Variants in GDAP2 observed in about 807,000 individuals in gnomAD.
GDAP2 encodes the protein ganglioside-induced differentiation-associated protein 2.
In GDAP2, 51 loss-of-function variants were observed where a neutral mutation model predicts 67.0. The ratio of observed to expected loss-of-function variants is 0.76; its 90% CI spans 0.61 to 0.96. GDAP2 has a LOEUF of 0.96. Among genes scored for constraint, GDAP2 ranks in the 40% least tolerant of loss-of-function variants. The probability of loss-of-function intolerance (pLI) is 0.00; values close to 1 mark genes in which losing one functional copy is unlikely to be tolerated. For synonymous variants in GDAP2, 203 were observed against 207.3 expected (o/e 0.98, Z 0.18); for missense variants, 547 against 588.3 (o/e 0.93, Z 0.73).
intron 6 of GDAP2, among the ~76,000 whole-genome samples, chr1:117,900,153 G>A (rs12064560): frequency 0.025 from 3,757 of 152,004 alleles, 150 homozygotes; most frequent in African/African-American, 0.084. Flanking sequence ...GTTTGTTTTC[G>A]TTTTCTTTTT....
chr1:117,925,500 G>C (rs1233597162), intron 1 of GDAP2, among the ~76,000 whole-genome samples: 1 of 152,040 alleles, frequency 6.6e-6, no homozygotes, highest in Non-Finnish European at 1.5e-5. Flanking sequence ...AATTAAGGGG[G>C]AGGAAAAAAT....
rs575969480 is a variant in GDAP2, at chr1:117,875,234, C to T, written c.1446+2775G>A. Among the ~76,000 whole-genome samples, 53 of 152,268 alleles carry T rather than the reference C, an allele frequency of 3.5e-4. No homozygotes were observed. The South Asian group carries it at 9.9e-3, about 29-fold the overall frequency. On this transcript the variant is annotated intron_variant, in intron 13 of 13. Coordinates refer to ENST00000369443, the MANE Select transcript of GDAP2 (RefSeq NM_017686.4). The stretch of plus-strand genomic sequence containing the variant: ...CTAGGAAGACAGAATGGTTTGGGAG[C>T]GACAAGGCTTTAACACTTCAGGATG...
chr1:117,914,968 A>C (rs1478970438), intron 3 of GDAP2, among the ~76,000 whole-genome samples: 1 of 152,190 alleles, frequency 6.6e-6, no homozygotes, highest in Non-Finnish European at 1.5e-5. Flanking sequence ...TGATGTTAAA[A>C]AAAAAAGTTC....
At chr1:117,894,918 G>A (rs1009807651) in intron 8 of GDAP2, among the ~76,000 whole-genome samples, 1 of 152,102 alleles carries the variant, frequency 6.6e-6, no homozygotes, top group African/African-American at 2.4e-5. Context: ...CTTTTCTGAT[G>A]AGATTGGTGA....
At chr1:117,887,557 G>A in intron 9 of GDAP2, 141 bp downstream of exon 9, 1 of 658,230 alleles carries the variant, frequency 1.5e-6, no homozygotes, top group South Asian at 1.7e-5. Flanking sequence ...CTTGATGACA[G>A]GCAAAACTAT....
intron 13 of GDAP2, among the ~76,000 whole-genome samples, chr1:117,871,429 G>C (rs1017520521): frequency 6.6e-6 from 1 of 152,120 alleles, no homozygotes; most frequent in Non-Finnish European, 1.5e-5. Context: ...GTATTTCTTT[G>C]ACAAAGAATT....
In GDAP2 at chr1:117,866,598, T is replaced by G. The variant is rs978122614; in HGVS notation, c.*3971A>C. On this transcript the variant is annotated 3_prime_UTR_variant, in exon 14 of 14. Coordinates refer to ENST00000369443, the MANE Select transcript of GDAP2 (RefSeq NM_017686.4). ...GGCCAGGCACAGTGGCTTATGCCTG[T>G]AATCTGGCACTTTGAGAAGCCAAGG... is the stretch of plus-strand genomic sequence containing the variant. 7.2e-5 allele frequency: 11 copies of G among 152,158 alleles called. No individual in the cohort carries two copies. Among genetic ancestry groups the G allele is most frequent in the Non-Finnish European group, 2.9e-5 (2 of 68,032 alleles). The allele number at this position is 152,158 out of a possible 1,614,324, so 9.4% of individuals were successfully genotyped here.
intron 1 of GDAP2, 114 bp from the exon 2 acceptor site, chr1:117,920,538 T>G: frequency 4.9e-6 from 2 of 407,124 alleles, no homozygotes; most frequent in Non-Finnish European, 9.0e-6. Context: ...TATTGTGTGA[T>G]TATAGCCACT....
At chr1:117,911,857 C>T in intron 5 of GDAP2, 137 bp downstream of exon 5, 1 of 599,068 alleles carries the variant, frequency 1.7e-6, no homozygotes, top group South Asian at 2.0e-5. Flanking sequence ...CTCACTGCAG[C>T]CTTAAACTTC....
At chr1:117,881,528 T>C (rs1293998670) in intron 12 of GDAP2, among the ~76,000 whole-genome samples, 1 of 152,094 alleles carries the variant, frequency 6.6e-6, no homozygotes, top group East Asian at 1.9e-4. Context: ...GAGGTAGCCA[T>C]GGGCAGAGGA....
chr1:117,903,948 A>G (rs559238000), intron 6 of GDAP2, among the ~76,000 whole-genome samples: 10 of 152,028 alleles, frequency 6.6e-5, no homozygotes, highest in Admixed American at 1.3e-4. Context: ...ATTCTAGGTT[A>G]TCTTTCTCAA....
At chr1:117,908,247 C>G (rs910063763) in intron 5 of GDAP2, among the ~76,000 whole-genome samples, 17 of 151,920 alleles carry the variant, frequency 1.1e-4, no homozygotes, top group Non-Finnish European at 2.1e-4. Context: ...TTTTGAAGAC[C>G]AAGTATATTT....
At chr1:117,907,327 T>C (rs1342363896) in intron 5 of GDAP2, among the ~76,000 whole-genome samples, 2 of 152,232 alleles carry the variant, frequency 1.3e-5, no homozygotes, top group Non-Finnish European at 2.9e-5. Flanking sequence ...ATGTGCTGGA[T>C]AGGTATTACC....
At chr1:117,917,568 A>G (rs534545232) in intron 3 of GDAP2, among the ~76,000 whole-genome samples, 44 of 152,334 alleles carry the variant, frequency 2.9e-4, no homozygotes, top group African/African-American at 7.5e-4. Flanking sequence ...TACCATCCCC[A>G]TTTTAGAGAT....
chr1:117,902,054 C>A (rs1282801328), intron 6 of GDAP2, among the ~76,000 whole-genome samples: 1 of 152,220 alleles, frequency 6.6e-6, no homozygotes, highest in Non-Finnish European at 1.5e-5. Flanking sequence ...CACACTCCTG[C>A]TTCTGCCTCC....
intron 1 of GDAP2, among the ~76,000 whole-genome samples, chr1:117,921,950 T>G (rs1650267116): frequency 6.6e-6 from 1 of 152,202 alleles, no homozygotes; most frequent in Non-Finnish European, 1.5e-5. Context: ...AGATAACTTC[T>G]GGATTACTTG....
intron 1 of GDAP2, among the ~76,000 whole-genome samples, chr1:117,922,634 C>A (rs1650297085): frequency 6.6e-6 from 1 of 152,104 alleles, no homozygotes; most frequent in African/African-American, 2.4e-5. Flanking sequence ...GCCCCCCAAG[C>A]CACAAAACCA....
At chr1:117,924,377 T>C (rs781478243) in intron 1 of GDAP2, among the ~76,000 whole-genome samples, 4 of 152,188 alleles carry the variant, frequency 2.6e-5, no homozygotes, top group Admixed American at 2.0e-4. Flanking sequence ...AGTGAGACCA[T>C]AGGTAGGTGG....
chr1:117,873,505 A>C (rs1648357244), intron 13 of GDAP2, among the ~76,000 whole-genome samples: 2 of 152,116 alleles, frequency 1.3e-5, no homozygotes, highest in South Asian at 4.2e-4. Context: ...ATGATAATGA[A>C]ATTAACCAAC....
Sources: gnomAD v4.1 joint callset for allele counts (sites outside exome capture counted in the v4.1 genomes callset) on GRCh38, gnomAD v4.1.1 for gene constraint, MANE v1.5 for transcripts, NCBI Gene and HGNC (gene_info 2026-07-23, HGNC 2026-07-21) for gene names.